CSMD2: variants seen among roughly 807,000 people sequenced by gnomAD.
CSMD2 encodes CUB and Sushi multiple domains 2, also known as CUB and sushi domain-containing protein 2.
A neutral mutation model predicts 398.5 loss-of-function variants in CSMD2; 130 were observed. The observed-to-expected ratio is 0.33, with a 90% CI of 0.28 to 0.38. The LOEUF is 0.38. Ranked by LOEUF, CSMD2 falls within the 10% of genes least tolerant of loss-of-function variation. The pLI is 1.00. For synonymous variants in CSMD2, 1,828 were observed against 1,908.5 expected, an observed-to-expected ratio of 0.96 and a Z score of 1.10; for missense variants, 3,829 against 4,764.9, an observed-to-expected ratio of 0.80 and a Z score of 5.78.
intron 11 of CSMD2, among the ~76,000 whole-genome samples, chr1:33,791,938 C>T (rs1654366661): frequency 6.6e-6 from 1 of 152,104 alleles, no homozygotes; most frequent in African/African-American, 2.4e-5. Context: ...TCTTTTTTGG[C>T]TCAGGAAGTG....
At chr1:33,977,147 C>T (rs945818068) in intron 3 of CSMD2, among the ~76,000 whole-genome samples, 2 of 151,986 alleles carry the variant, frequency 1.3e-5, no homozygotes, top group African/African-American at 4.8e-5. Context: ...AGATCCTGTC[C>T]AGGGTGCTGG....
At chr1:33,862,452 T>G (rs1008140387) in intron 5 of CSMD2, 1 of 150,462 alleles carries the variant, frequency 6.6e-6, no homozygotes, top group African/African-American at 2.4e-5. Context: ...TTCTTCCTCA[T>G]GTCCCATCTT....
intron 5 of CSMD2, chr1:33,861,203 A>G (rs968701561): frequency 4.6e-5 from 7 of 152,250 alleles, no homozygotes; most frequent in African/African-American, 1.7e-4. Flanking sequence ...TTCTTATTGC[A>G]GACTGCAATC....
In CSMD2 at chr1:33,803,557, T is replaced by C. The variant is rs527810303; in HGVS notation, c.1446+7186A>G. On this transcript the variant is annotated intron_variant, in intron 10 of 70. Coordinates refer to ENST00000373381, the MANE Select transcript of CSMD2 (RefSeq NM_001281956.2). Reference sequence around the variant, plus strand: ...AAATATAGGCCGAGTACCTACTATGTGCCTGGAACCACGTTGGTCACTTGG... The same window carrying C: ...AAATATAGGCCGAGTACCTACTATGCGCCTGGAACCACGTTGGTCACTTGG... Among the ~76,000 whole-genome samples, 40 of 152,344 alleles carry C rather than the reference T, an allele frequency of 2.6e-4. No individual in the cohort carries two copies. In the South Asian group the frequency reaches 5.0e-3, roughly 19 times the overall value.
At chr1:34,102,211 T>C (rs1660021441) in intron 1 of CSMD2, among the ~76,000 whole-genome samples, 1 of 152,140 alleles carries the variant, frequency 6.6e-6, no homozygotes, top group Non-Finnish European at 1.5e-5. Flanking sequence ...TTTTTACTTT[T>C]AGTAGAGACG....
intron 1 of CSMD2, among the ~76,000 whole-genome samples, chr1:34,105,633 A>G (rs755975982): frequency 2.6e-4 from 39 of 152,206 alleles, no homozygotes; most frequent in South Asian, 4.1e-4. Context: ...AATATGTAAA[A>G]CAAAATACAT....
At chr1:33,843,180 T>C (rs1022105415) in intron 6 of CSMD2, among the ~76,000 whole-genome samples, 4 of 151,912 alleles carry the variant, frequency 2.6e-5, no homozygotes, top group African/African-American at 7.3e-5. Flanking sequence ...CGCATTCATC[T>C]TTTTTGCTGT....
At chr1:33,673,108 C>A (rs1303339127) in intron 25 of CSMD2, among the ~76,000 whole-genome samples, 1 of 152,228 alleles carries the variant, frequency 6.6e-6, no homozygotes, top group Admixed American at 6.5e-5. Flanking sequence ...CAAAGCTGGA[C>A]GGAGAATGAC....
chr1:33,694,801 C>T (rs151295274), intron 24 of CSMD2, among the ~76,000 whole-genome samples: 4 of 152,100 alleles, frequency 2.6e-5, no homozygotes, highest in African/African-American at 7.2e-5. Context: ...GGGCTGATTG[C>T]CTGTTCTGTG....
At chr1:33,553,239 G>A (rs532369039) in intron 55 of CSMD2, among the ~76,000 whole-genome samples, 4 of 152,168 alleles carry the variant, frequency 2.6e-5, no homozygotes, top group South Asian at 2.1e-4. Flanking sequence ...CCAATAATAC[G>A]TGCTCACTTC....
intron 25 of CSMD2, among the ~76,000 whole-genome samples, chr1:33,674,621 T>A (rs1300998852): frequency 3.9e-5 from 6 of 152,124 alleles, no homozygotes; most frequent in East Asian, 1.9e-4. Context: ...ATAGACATCT[T>A]CAGAACTCTC....
chr1:33,658,698 C>CA (rs1357543196), intron 26 of CSMD2, among the ~76,000 whole-genome samples: 2 of 151,980 alleles, frequency 1.3e-5, no homozygotes, highest in Admixed American at 6.5e-5. Context: ...CCTGACCCTA[C>CA]AAAAAAATAA....
At chr1:34,080,921 G>GGAAAGAAAGAGTGGAAAGAAA (rs1656996032) in intron 2 of CSMD2, among the ~76,000 whole-genome samples, 1 of 125,088 alleles carries the variant, frequency 8.0e-6, no homozygotes, top group Non-Finnish European at 1.7e-5. Flanking sequence ...CTAACTGAGT[G>GGAAAGAAAGAGTGGAAAGAAA]GAAAGAAAGA....
Position 33,559,331 on chromosome 1 carries a change from C to T in CSMD2, c.8523G>A (p.Gly2841=). ...AGGTGGGCAGCATGTCACTCCATTGCCCGCTGGCCAGGCATTGGGACCTAG... is the reference window on the plus strand; with the variant it reads ...AGGTGGGCAGCATGTCACTCCATTGTCCGCTGGCCAGGCATTGGGACCTAG... ...GAARSQCLAS[G]QWSDMLPTCR... Residue 2841 remains glycine (G), a synonymous_variant, in exon 54 of 71, where the codon GGG becomes GGA. Coordinates refer to ENST00000373381, the MANE Select transcript of CSMD2 (RefSeq NM_001281956.2). This position sits in a 1 kb window ranked among gnomAD's most constrained non-coding sequence, Gnocchi z 4.0. The T allele has an allele frequency of 6.5e-7, 1 of 1,535,706 alleles. No individual in the cohort carries two copies. The highest frequency in any genetic ancestry group is 1.2e-5 in the South Asian group (1 of 84,032).
At chr1:33,666,580 G>T (rs183119537) in intron 25 of CSMD2, among the ~76,000 whole-genome samples, 17 of 149,674 alleles carry the variant, frequency 1.1e-4, no homozygotes, top group African/African-American at 3.9e-4. Context: ...TCTTACTTTC[G>T]GTCACTAGTT....
chr1:33,836,116 G>A (rs937747127), intron 6 of CSMD2, among the ~76,000 whole-genome samples: 8 of 152,252 alleles, frequency 5.3e-5, no homozygotes, highest in African/African-American at 1.9e-4. Flanking sequence ...GTTGGTGTTT[G>A]CCGGAGGTCC....
At chr1:33,823,630 T>C (rs971156552) in intron 7 of CSMD2, among the ~76,000 whole-genome samples, 1 of 151,602 alleles carries the variant, frequency 6.6e-6, no homozygotes. Context: ...AGGTAGAGAG[T>C]TGGGTCCACT....
At chr1:34,151,051 G>C (rs1230372117) in intron 1 of CSMD2, among the ~76,000 whole-genome samples, 1 of 152,200 alleles carries the variant, frequency 6.6e-6, no homozygotes, top group Non-Finnish European at 1.5e-5. Flanking sequence ...TTGTCTAGCT[G>C]CTCCCTCGAA....
chr1:33,541,958 A>G (rs1484377699), intron 58 of CSMD2, among the ~76,000 whole-genome samples: 3 of 152,214 alleles, frequency 2.0e-5, no homozygotes, highest in African/African-American at 7.2e-5. Flanking sequence ...TAGGGACAAC[A>G]GCCTGGAAGC....
Sources: gnomAD v4.1 joint callset for allele counts (sites outside exome capture counted in the v4.1 genomes callset) on GRCh38, gnomAD v4.1.1 for gene constraint, Gnocchi (gnomAD v3.1) non-coding constraint, MANE v1.5 for transcripts, NCBI Gene and HGNC (gene_info 2026-07-23, HGNC 2026-07-21) for gene names.